Variants in STXBP4 observed in about 807,000 individuals in gnomAD.
STXBP4 encodes the protein syntaxin binding protein 4, also known as syntaxin-binding protein 4.
STXBP4 carries 55 observed loss-of-function variants against 76.1 expected under a neutral mutation model. The observed-to-expected ratio is 0.72, with a 90% CI of 0.58 to 0.91. The LOEUF (loss-of-function observed/expected upper bound fraction) is 0.91, where lower values mean the gene tolerates loss of function less well. Among genes scored for constraint, STXBP4 ranks in the 40% least tolerant of loss-of-function variants. The pLI is 0.00. For synonymous variants in STXBP4, 201 were observed against 220.2 expected (o/e 0.91, Z 0.77); for missense variants, 618 against 636.9 (o/e 0.97, Z 0.32).
chr17:55,023,248 C>G (rs572026487), intron 8 of STXBP4, among the ~76,000 whole-genome samples: 2 of 152,212 alleles, frequency 1.3e-5, no homozygotes, highest in South Asian at 4.1e-4. Context: ...TCCAGGAAAT[C>G]CAGAAGCCAC....
chr17:55,027,474 C>T (rs568563996), intron 8 of STXBP4, among the ~76,000 whole-genome samples: 54 of 152,226 alleles, frequency 3.5e-4, no homozygotes, highest in African/African-American at 1.3e-3. Flanking sequence ...GAACACTACT[C>T]GGGTAAACAG....
chr17:55,142,986 T>C (rs982372560), intron 17 of STXBP4, among the ~76,000 whole-genome samples: 3 of 152,316 alleles, frequency 2.0e-5, no homozygotes, highest in Non-Finnish European at 2.9e-5. Context: ...ACTGTAGGAA[T>C]GGCAGGAAAA....
At chr17:55,071,130 A>G (rs2079114364) in intron 12 of STXBP4, among the ~76,000 whole-genome samples, 1 of 152,056 alleles carries the variant, frequency 6.6e-6, no homozygotes, top group Admixed American at 6.6e-5. Context: ...ACCCTTGCCC[A>G]CCATCTACAG....
intron 4 of STXBP4, among the ~76,000 whole-genome samples, chr17:54,995,895 T>C (rs1429240744): frequency 6.6e-6 from 1 of 152,188 alleles, no homozygotes; most frequent in Non-Finnish European, 1.5e-5. Flanking sequence ...GGACTTACTG[T>C]GTACCTAGCA....
intron 16 of STXBP4, among the ~76,000 whole-genome samples, chr17:55,134,466 T>G (rs925021610): frequency 6.6e-6 from 1 of 152,154 alleles, no homozygotes. Flanking sequence ...AATTTTCATT[T>G]GATTTGTGAC....
At chr17:55,117,811 TCTC>T (rs888144271) in intron 16 of STXBP4, among the ~76,000 whole-genome samples, 16 of 152,044 alleles carry the variant, frequency 1.1e-4, no homozygotes, top group Middle Eastern at 3.4e-3. Context: ...GGTTCTGTTC[TCTC>T]CATCAGTCGT....
intron 16 of STXBP4, among the ~76,000 whole-genome samples, chr17:55,104,411 T>TATG (rs1337720581): frequency 6.6e-6 from 1 of 152,202 alleles, no homozygotes. Flanking sequence ...TGATTCTGTT[T>TATG]ATGTGATGGA....
intron 13 of STXBP4, among the ~76,000 whole-genome samples, chr17:55,075,049 A>G (rs1056886988): frequency 1.3e-5 from 2 of 151,752 alleles, no homozygotes; most frequent in African/African-American, 4.8e-5. Context: ...TTATTTATTT[A>G]TTTACCTTTT....
At position 55,056,229 on chromosome 17, in the gene STXBP4, CT is replaced by C. The variant is rs377249063; in HGVS notation, c.1011+9078del. 1.5e-3 allele frequency among the ~76,000 whole-genome samples: 223 copies of C among 152,114 alleles called. 7 individuals are homozygous for C. The South Asian group carries it at 0.045, about 31-fold the overall frequency. On this transcript the variant is annotated intron_variant, in intron 12 of 17. Coordinates refer to ENST00000376352, the MANE Select transcript of STXBP4 (RefSeq NM_178509.6). ...TTAGTTGGATTTATCTAAAATATTA[CT>C]TTAGCATGCAGTAATATTTTTAAAA...
intron 10 of STXBP4, among the ~76,000 whole-genome samples, chr17:55,035,422 C>G (rs1051849376): frequency 6.6e-6 from 1 of 151,676 alleles, no homozygotes; most frequent in African/African-American, 2.4e-5. Context: ...TTTATCTTTT[C>G]TTTTTCTCTG....
intron 1 of STXBP4, among the ~76,000 whole-genome samples, chr17:54,978,658 C>T (rs35087154): frequency 8.1e-4 from 124 of 152,196 alleles, no homozygotes; most frequent in Non-Finnish European, 1.3e-3. Context: ...CAAGAAGGTA[C>T]ACTGGAACAT....
At chr17:55,075,036 T>C (rs938460057) in intron 13 of STXBP4, among the ~76,000 whole-genome samples, 1 of 151,958 alleles carries the variant, frequency 6.6e-6, no homozygotes, top group African/African-American at 2.4e-5. Flanking sequence ...TTCTTTATGT[T>C]ATTTATTTAT....
intron 10 of STXBP4, among the ~76,000 whole-genome samples, chr17:55,041,633 G>C (rs1231983108): frequency 6.6e-6 from 1 of 152,112 alleles, no homozygotes; most frequent in Non-Finnish European, 1.5e-5. Context: ...GTTTACTTTA[G>C]TTCCATGAGC....
intron 17 of STXBP4, among the ~76,000 whole-genome samples, 165 bp downstream of exon 17, chr17:55,141,532 A>G (rs979510505): frequency 6.6e-6 from 1 of 152,178 alleles, no homozygotes; most frequent in African/African-American, 2.4e-5. Flanking sequence ...TTAAATGCTA[A>G]TATCAGATAT....
chr17:55,119,547 C>T (rs189260664), intron 16 of STXBP4, among the ~76,000 whole-genome samples: 2 of 151,856 alleles, frequency 1.3e-5, no homozygotes, highest in Non-Finnish European at 2.9e-5. Context: ...ATACAAGAAC[C>T]CTAGAACTAG....
chr17:54,981,289 T>G (rs1163711055), intron 1 of STXBP4, among the ~76,000 whole-genome samples: 1 of 151,796 alleles, frequency 6.6e-6, no homozygotes, highest in Non-Finnish European at 1.5e-5. Flanking sequence ...CCAGGGAAAC[T>G]TGGTTAACAA....
chr17:55,154,563 C>T (rs1425321549), intron 17 of STXBP4, among the ~76,000 whole-genome samples: 1 of 152,088 alleles, frequency 6.6e-6, no homozygotes, highest in Non-Finnish European at 1.5e-5. Context: ...TGATGAAAAA[C>T]AGCATCAATT....
chr17:55,014,929 C>T (rs1481408414), intron 8 of STXBP4, among the ~76,000 whole-genome samples: 1 of 151,260 alleles, frequency 6.6e-6, no homozygotes, highest in African/African-American at 2.4e-5. Flanking sequence ...TTTTTTTGTC[C>T]CGTTTGTCCC....
At chr17:55,027,929 A>G (rs2144663126) in intron 8 of STXBP4, among the ~76,000 whole-genome samples, 1 of 152,266 alleles carries the variant, frequency 6.6e-6, no homozygotes, top group African/African-American at 2.4e-5. Context: ...TTTTACATAT[A>G]TGCTTTTAGT....
Sources: gnomAD v4.1 joint callset for allele counts (sites outside exome capture counted in the v4.1 genomes callset) on GRCh38, gnomAD v4.1.1 for gene constraint, MANE v1.5 for transcripts, NCBI Gene and HGNC (gene_info 2026-07-23, HGNC 2026-07-21) for gene names.